TBC1D4: variants seen among roughly 807,000 people sequenced by gnomAD.
The protein encoded by TBC1D4 is TBC1 domain family member 4.
TBC1D4 carries 121 observed loss-of-function variants against 142.5 expected under a neutral mutation model. The ratio of observed to expected loss-of-function variants is 0.85; its 90% CI spans 0.73 to 0.99. TBC1D4 has a LOEUF of 0.99. Among genes scored for constraint, TBC1D4 ranks in the 50% least tolerant of loss-of-function variants. The probability of loss-of-function intolerance (pLI) is 0.00; values close to 1 mark genes in which losing one functional copy is unlikely to be tolerated. For synonymous variants in TBC1D4, 630 were observed against 628.2 expected (o/e 1.00, Z -0.04); for missense variants, 1,475 against 1,606.6 (o/e 0.92, Z 1.40).
At chr13:75,337,269 G>A (rs1379915024) in intron 7 of TBC1D4, among the ~76,000 whole-genome samples, 3 of 152,072 alleles carry the variant, frequency 2.0e-5, no homozygotes, top group African/African-American at 7.2e-5. Context: ...TTTCCTTCAT[G>A]CCTTTCCTTT....
At chr13:75,427,711 C>A (rs370595426) in intron 1 of TBC1D4, among the ~76,000 whole-genome samples, 43 of 152,322 alleles carry the variant, frequency 2.8e-4, no homozygotes, top group African/African-American at 8.2e-4. Flanking sequence ...TTTCACTAGA[C>A]TTGCAAGATC....
At chr13:75,308,071 T>A (rs935583970) in intron 14 of TBC1D4, among the ~76,000 whole-genome samples, 10 of 152,208 alleles carry the variant, frequency 6.6e-5, no homozygotes, top group Admixed American at 6.5e-5. Flanking sequence ...GATAAAATGG[T>A]GAACAGGGAC....
intron 1 of TBC1D4, among the ~76,000 whole-genome samples, chr13:75,376,217 G>C (rs917278225): frequency 6.6e-6 from 1 of 151,984 alleles, no homozygotes; most frequent in African/African-American, 2.4e-5. Flanking sequence ...AAAAAAACCA[G>C]AAATCTTATG....
At chr13:75,399,536 T>G (rs4396420) in intron 1 of TBC1D4, among the ~76,000 whole-genome samples, 1,558 of 123,788 alleles carry the variant, frequency 0.013, no homozygotes, top group Middle Eastern at 0.019. Flanking sequence ...CAACCCACCT[T>G]ATCTACACCC....
chr13:75,374,761 G>A (rs1178522425), intron 1 of TBC1D4, among the ~76,000 whole-genome samples: 1 of 151,852 alleles, frequency 6.6e-6, no homozygotes, highest in African/African-American at 2.4e-5. Context: ...CAAACTCGCA[G>A]CCCTCATTTT....
chr13:75,450,978 C>CA (rs1299402301), intron 1 of TBC1D4, among the ~76,000 whole-genome samples: 1 of 152,208 alleles, frequency 6.6e-6, no homozygotes, highest in Non-Finnish European at 1.5e-5. Context: ...AGTTACCACT[C>CA]AGGAGCTAGG....
intron 1 of TBC1D4, among the ~76,000 whole-genome samples, chr13:75,466,553 C>A (rs986145212): frequency 5.3e-5 from 8 of 152,136 alleles, no homozygotes; most frequent in African/African-American, 1.9e-4. Flanking sequence ...AATTCTCTTT[C>A]ACGGTAGTAG....
At chr13:75,471,847 C>T (rs1201634499) in intron 1 of TBC1D4, among the ~76,000 whole-genome samples, 1 of 152,180 alleles carries the variant, frequency 6.6e-6, no homozygotes, top group Non-Finnish European at 1.5e-5. Flanking sequence ...TGGCTCACGC[C>T]TGTAATCCCA....
chr13:75,408,187 A>T (rs1885432859), intron 1 of TBC1D4, among the ~76,000 whole-genome samples: 1 of 152,170 alleles, frequency 6.6e-6, no homozygotes, highest in African/African-American at 2.4e-5. Context: ...TGGACATTTT[A>T]TATAAATGAT....
In TBC1D4 at chr13:75,412,460, G is replaced by A. The variant is rs7335607; in HGVS notation, c.499-49853C>T. On this transcript the variant is annotated intron_variant, in intron 1 of 20. Coordinates refer to ENST00000377636, the MANE Select transcript of TBC1D4 (RefSeq NM_014832.5). ...TACACACACGCATGCACACACACAC[G>A]GTTATTTTTTTTATTTTTTATTTTT... Among the ~76,000 whole-genome samples, 1,182 of 151,906 alleles carry A rather than the reference G, an allele frequency of 7.8e-3. 14 individuals carry two copies. The highest frequency in any genetic ancestry group is 0.026 in the African/African-American group (1,077 of 41,410).
At chr13:75,397,294 A>G (rs1193013805) in intron 1 of TBC1D4, among the ~76,000 whole-genome samples, 1 of 152,208 alleles carries the variant, frequency 6.6e-6, no homozygotes, top group Non-Finnish European at 1.5e-5. Flanking sequence ...AACTCCCAAA[A>G]TCAACTTACA....
chr13:75,331,294 G>C (rs1323758570), intron 8 of TBC1D4, among the ~76,000 whole-genome samples: 3 of 151,878 alleles, frequency 2.0e-5, no homozygotes, highest in Non-Finnish European at 4.4e-5. Context: ...AGGAGTTCGA[G>C]ACCAGCCTGG....
intron 10 of TBC1D4, among the ~76,000 whole-genome samples, chr13:75,324,974 T>G (rs572077056): frequency 6.6e-6 from 1 of 152,214 alleles, no homozygotes; most frequent in Non-Finnish European, 1.5e-5. Flanking sequence ...ATTCTTTGCA[T>G]AGCAAGCTTT....
At chr13:75,480,193 T>C (rs1215527844) in intron 1 of TBC1D4, among the ~76,000 whole-genome samples, 1 of 152,226 alleles carries the variant, frequency 6.6e-6, no homozygotes, top group Non-Finnish European at 1.5e-5. Context: ...GCCATATTTA[T>C]AGGATGTTTT....
chr13:75,430,650 C>T lies in TBC1D4; in HGVS notation c.498+50620G>A, dbSNP rs149156955. Reference sequence around the variant, plus strand: ...CGGGGGACAGATGGAGAAATCACAACTTGCCAAATGTTTATTATATGTGCA... The same window carrying T: ...CGGGGGACAGATGGAGAAATCACAATTTGCCAAATGTTTATTATATGTGCA... On this transcript the variant is annotated intron_variant, in intron 1 of 20. Coordinates refer to ENST00000377636, the MANE Select transcript of TBC1D4 (RefSeq NM_014832.5). 9.4e-3 allele frequency among the ~76,000 whole-genome samples: 1,435 copies of T among 152,316 alleles called. 27 individuals are homozygous for T. Among genetic ancestry groups the T allele is most frequent in the African/African-American group, 0.03 (1,239 of 41,552 alleles).
intron 17 of TBC1D4, 48 bp from the exon 18 acceptor site, chr13:75,295,061 T>C (rs778244668): frequency 6.4e-7 from 1 of 1,556,582 alleles, no homozygotes; most frequent in Non-Finnish European, 8.9e-7. Context: ...TTTATCTGCA[T>C]GTGCATCAAA....
Position 75,481,723 on chromosome 13 carries a change from G to C in TBC1D4, c.45C>G (p.Pro15=), listed in dbSNP as rs548692375. ...SCIQDEPFPH[P]LEPEPGVSAQ... is the part of the protein sequence containing the mutation. ...CTGAGACGCCCGGCTCGGGCTCCAG[G>C]GGGTGCGGGAACGGCTCATCCTGAA... Residue 15 remains proline (P), a synonymous_variant, in exon 1 of 21, where the codon CCC becomes CCG. Transcript: ENST00000377636. 6.3e-5 allele frequency: 101 copies of C among 1,596,840 alleles called. No individual in the cohort carries two copies. In the African/African-American group the frequency reaches 1.1e-3, roughly 18 times the overall value.
intron 7 of TBC1D4, among the ~76,000 whole-genome samples, chr13:75,340,175 CAT>C: frequency 6.6e-6 from 1 of 152,164 alleles, no homozygotes; most frequent in South Asian, 2.1e-4. Flanking sequence ...TAGTTTAACT[CAT>C]AGAAGGTTCT....
At chr13:75,441,240 T>C (rs1887026243) in intron 1 of TBC1D4, among the ~76,000 whole-genome samples, 1 of 152,006 alleles carries the variant, frequency 6.6e-6, no homozygotes, top group African/African-American at 2.4e-5. Flanking sequence ...CGGGCAACAG[T>C]GTGAGACTCT....
Sources: allele counts gnomAD v4.1 joint callset (sites outside exome capture counted in the v4.1 genomes callset), GRCh38; gene constraint gnomAD v4.1.1; transcripts MANE v1.5; gene names NCBI Gene and HGNC (gene_info 2026-07-23, HGNC 2026-07-21).